UBN2: variants seen among roughly 807,000 people sequenced by gnomAD.
The protein encoded by UBN2 is ubinuclein-2.
UBN2 carries 35 observed loss-of-function variants against 120.2 expected under a neutral mutation model. The ratio of observed to expected loss-of-function variants is 0.29; its 90% CI spans 0.22 to 0.39. The LOEUF (loss-of-function observed/expected upper bound fraction) is 0.39, where lower values mean the gene tolerates loss of function less well. UBN2 is among the 10% of genes least tolerant of loss of function. UBN2 has a pLI of 1.00. For missense variants in UBN2, 1,693 were observed against 1,663.2 expected, an observed-to-expected ratio of 1.02 and a Z score of -0.31; for synonymous variants, 661 against 648.7, an observed-to-expected ratio of 1.02 and a Z score of -0.29.
At position 139,284,323 on chromosome 7, in the gene UBN2, A is replaced by G; in HGVS notation, c.3418A>G (p.Thr1140Ala). 2 of 1,614,152 alleles carry G rather than the reference A, an allele frequency of 1.2e-6. No individual in the cohort carries two copies. Among genetic ancestry groups the G allele is most frequent in the Non-Finnish European group, 1.7e-6 (2 of 1,180,026 alleles). Residue 1140 changes from threonine to alanine, a missense_variant, in exon 15 of 18, where the codon ACA becomes GCA. Physicochemically the swap from Thr to Ala is moderately conservative, Grantham distance 58. Transcript: ENST00000473989. ...TAGTCGCACTTCAGGCCTTCCACCT[A>G]CAAAAAATCTTCAGGCCCCCTCAAA... ...PSSRTSGLPP[T>A]KNLQAPSKLT... is the part of the protein sequence containing the mutation.
At chr7:139,272,517 T>C in intron 9 of UBN2, 77 bp downstream of exon 9, 2 of 812,480 alleles carry the variant, frequency 2.5e-6, no homozygotes, top group Non-Finnish European at 3.8e-6. Flanking sequence ...TATGTATGTA[T>C]GTATGTATGT....
chr7:139,304,709 GTGT>G lies in UBN2; in HGVS notation c.*6874_*6876del, dbSNP rs1798328542. ...TCCACTGAATCTCTAATGATAGGGT[GTGT>G]GTGTGTGTGTGTGTGTGTGTGTGTG... On this transcript the variant is annotated 3_prime_UTR_variant, in exon 18 of 18. Transcript: ENST00000473989. 1 of 144,450 alleles carries G rather than the reference GTGT, an allele frequency of 6.9e-6. No individual in the cohort carries two copies. Among genetic ancestry groups the G allele is most frequent in the African/African-American group, 2.5e-5 (1 of 40,182 alleles). 8.9% of individuals were successfully genotyped at this position (144,450 alleles called of 1,614,324 possible). A position where few individuals can be genotyped will look rare whatever the true frequency, so the allele number is the denominator to read the frequency against.
At chr7:139,235,288 A>G (rs1482856484) in intron 1 of UBN2, among the ~76,000 whole-genome samples, 2 of 152,210 alleles carry the variant, frequency 1.3e-5, no homozygotes, top group African/African-American at 2.4e-5. Flanking sequence ...GCCTCTGGTT[A>G]AGGCTACACC....
chr7:139,294,099 A>G lies in UBN2; in HGVS notation c.3994+118A>G, dbSNP rs980290719. Reference sequence around the variant, plus strand: ...AAGGTTGGAAAATGCAAATTTTCATAGACTGAATCCTCATTCCTCATTAGC... The same window carrying G: ...AAGGTTGGAAAATGCAAATTTTCATGGACTGAATCCTCATTCCTCATTAGC... On this transcript the variant is annotated intron_variant, in intron 17 of 17. Transcript: ENST00000473989. The G allele has an allele frequency of 1.3e-4, 122 of 948,980 alleles. 1 individual carries two copies. The highest frequency in any genetic ancestry group is 1.7e-4 in the Non-Finnish European group (104 of 617,608). The allele number at this position is 948,980 out of a possible 1,614,324, so 58.8% of individuals were successfully genotyped here. A position where few individuals can be genotyped will look rare whatever the true frequency, so the allele number is the denominator to read the frequency against.
At chr7:139,319,801 G>A in the UBN2 span, among the ~76,000 whole-genome samples, 1 of 152,140 alleles carries the variant, frequency 6.6e-6, no homozygotes, top group Non-Finnish European at 1.5e-5. Flanking sequence ...ACTCAGGCGG[G>A]TGTGGTGGTC....
chr7:139,291,806 A>G (rs189021940), intron 15 of UBN2, among the ~76,000 whole-genome samples: 49 of 151,678 alleles, frequency 3.2e-4, no homozygotes, highest in South Asian at 1.0e-3. Flanking sequence ...ATGAGCTACA[A>G]TTGTTCCACT....
At position 139,272,452 on chromosome 7, in the gene UBN2, T is replaced by G; in HGVS notation, c.1715+12T>G. 4.4e-6 allele frequency: 7 copies of G among 1,594,842 alleles called. No homozygotes were observed. The highest frequency in any genetic ancestry group is 1.3e-5 in the African/African-American group (1 of 74,220). ...GCTAAGTGTGCCAAGTATGTATCTC[T>G]TCTATTTGGACTGGCTTTTGCATTT... is the stretch of plus-strand genomic sequence containing the variant. On this transcript the variant is annotated intron_variant, in intron 9 of 17. Coordinates refer to ENST00000473989, the MANE Select transcript of UBN2 (RefSeq NM_173569.4).
chr7:139,261,256 G>T lies in UBN2; in HGVS notation c.910G>T (p.Val304Leu). The change falls in exon 6 of 18, where the codon GTG becomes TTG. Residue 304 changes from valine to leucine, a missense_variant. Transcript: ENST00000473989. ...RKKVPKQLGVVALNSHKSEKK... is the reference protein window; with the variant it reads ...RKKVPKQLGVLALNSHKSEKK... Reference sequence around the variant, plus strand: ...TGATCATTTTTGTCTTCACAGAGTTGTGGCTCTAAATTCACACAAGTCTGA... The same window carrying T: ...TGATCATTTTTGTCTTCACAGAGTTTTGGCTCTAAATTCACACAAGTCTGA... 6.2e-7 allele frequency: 1 copy of T among 1,603,030 alleles called. No individual in the cohort carries two copies. Among genetic ancestry groups the T allele is most frequent in the Non-Finnish European group, 8.5e-7 (1 of 1,175,908 alleles).
chr7:139,255,138 C>CT (rs1796723714), intron 3 of UBN2, among the ~76,000 whole-genome samples: 1 of 152,212 alleles, frequency 6.6e-6, no homozygotes, highest in South Asian at 2.1e-4. Flanking sequence ...CTGGCACCTA[C>CT]TGGTCTTAAC....
At chr7:139,317,551 CTT>C in the UBN2 span, among the ~76,000 whole-genome samples, 1 of 152,094 alleles carries the variant, frequency 6.6e-6, no homozygotes, top group Non-Finnish European at 1.5e-5. Flanking sequence ...TTCCATATCT[CTT>C]AAACGTTCTT....
chr7:139,265,537 A>G (rs188277971), intron 6 of UBN2, among the ~76,000 whole-genome samples: 124 of 152,304 alleles, frequency 8.1e-4, no homozygotes, highest in Admixed American at 1.8e-3. Context: ...TAATCCTTGG[A>G]ATCTGCGAAT....
chr7:139,311,367 T>C (rs1798444962), downstream of UBN2, among the ~76,000 whole-genome samples: 1 of 152,242 alleles, frequency 6.6e-6, no homozygotes, highest in Admixed American at 6.5e-5. Flanking sequence ...TCTCTGTGTT[T>C]GTCCCTTCTT....
intron 13 of UBN2, among the ~76,000 whole-genome samples, chr7:139,280,885 C>G (rs1797588152): frequency 1.3e-5 from 2 of 152,196 alleles, no homozygotes; most frequent in African/African-American, 4.8e-5. Flanking sequence ...ACCTCGTGAT[C>G]CACCCGCCTT....
chr7:139,258,640 C>T lies in UBN2; in HGVS notation c.801+15C>T. 6.3e-7 allele frequency: 1 copy of T among 1,579,212 alleles called. No individual in the cohort carries two copies. The highest frequency in any genetic ancestry group is 1.2e-5 in the South Asian group (1 of 85,316). The stretch of plus-strand genomic sequence containing the variant: ...AGCCACCCAAGGTGAGTTTATCAAA[C>T]ATTGCAACAGTACTGAGAATGTTCA... On this transcript the variant is annotated intron_variant, in intron 4 of 17. Coordinates refer to ENST00000473989, the MANE Select transcript of UBN2 (RefSeq NM_173569.4).
intron 11 of UBN2, among the ~76,000 whole-genome samples, 184 bp downstream of exon 11, chr7:139,274,258 C>T (rs550787771): frequency 1.4e-4 from 22 of 152,110 alleles, no homozygotes; most frequent in East Asian, 9.6e-4. Flanking sequence ...ACAAAACAGT[C>T]GCGCACACAG....
chr7:139,288,829 C>T (rs1264345980), intron 15 of UBN2, among the ~76,000 whole-genome samples: 3 of 151,770 alleles, frequency 2.0e-5, no homozygotes, highest in Non-Finnish European at 2.9e-5. Flanking sequence ...TGGTGAAACC[C>T]CATCTCTACT....
chr7:139,269,700 ATTG>A (rs1311930371), intron 8 of UBN2, among the ~76,000 whole-genome samples, 177 bp downstream of exon 8: 17 of 152,192 alleles, frequency 1.1e-4, no homozygotes, highest in African/African-American at 3.1e-4. Context: ...GTCTTCAACA[ATTG>A]TTAAGTTTAG....
intron 3 of UBN2, among the ~76,000 whole-genome samples, chr7:139,254,016 G>A (rs1025798228): frequency 6.6e-6 from 1 of 152,176 alleles, no homozygotes; most frequent in East Asian, 1.9e-4. Flanking sequence ...TGTCACGGCC[G>A]GGTGCGGTGG....
Position 139,297,945 on chromosome 7 carries a change from C to G in UBN2, c.*109C>G, listed in dbSNP as rs763413631. The G allele has an allele frequency of 8.9e-6, 11 of 1,229,476 alleles. No homozygotes were observed. The highest frequency in any genetic ancestry group is 1.3e-5 in the Non-Finnish European group (11 of 842,770). The allele number at this position is 1,229,476 out of a possible 1,614,324, so 76.2% of individuals were successfully genotyped here. A position where few individuals can be genotyped will look rare whatever the true frequency, so the allele number is the denominator to read the frequency against. On this transcript the variant is annotated 3_prime_UTR_variant, in exon 18 of 18. Coordinates refer to ENST00000473989, the MANE Select transcript of UBN2 (RefSeq NM_173569.4). Reference sequence around the variant, plus strand: ...TGCTGTTTCTGTCGATGTTTACATTCTCTCGTCCCAAGCACTGTGGTGAGG... The same window carrying G: ...TGCTGTTTCTGTCGATGTTTACATTGTCTCGTCCCAAGCACTGTGGTGAGG...
Sources: allele counts gnomAD v4.1 joint callset (sites outside exome capture counted in the v4.1 genomes callset), GRCh38; gene constraint gnomAD v4.1.1; transcripts MANE v1.5; gene names NCBI Gene and HGNC (gene_info 2026-07-23, HGNC 2026-07-21).